CDH4: variants seen among roughly 807,000 people sequenced by gnomAD.
CDH4 encodes cadherin-4.
In CDH4, 33 loss-of-function variants were observed where a neutral mutation model predicts 86.0. The ratio of observed to expected loss-of-function variants is 0.38; its 90% CI spans 0.29 to 0.51. CDH4 has a LOEUF of 0.51. CDH4 is among the 20% of genes least tolerant of loss of function. The pLI, the probability that CDH4 is intolerant of heterozygous loss-of-function variation, is 0.86. For synonymous variants in CDH4, 555 were observed against 549.4 expected (o/e 1.01, Z -0.14); for missense variants, 1,114 against 1,307.4 (o/e 0.85, Z 2.28).
intron 2 of CDH4, among the ~76,000 whole-genome samples, chr20:61,355,174 G>T (rs1000880608): frequency 1.6e-4 from 24 of 152,110 alleles, no homozygotes; most frequent in Non-Finnish European, 3.4e-4. Context: ...TCATTTCCAG[G>T]CAATAAACAC....
At position 61,923,685 on chromosome 20, in the gene CDH4, T is replaced by C. The variant is rs767012233; in HGVS notation, c.1609T>C (p.Phe537Leu). 6.2e-7 allele frequency: 1 copy of C among 1,613,728 alleles called. No individual in the cohort carries two copies. Among genetic ancestry groups the C allele is most frequent in the Non-Finnish European group, 8.5e-7 (1 of 1,180,024 alleles). Reference protein sequence around the residue: ...TTFSAVDPDRFMQQAVRYSKL... With the variant: ...TTFSAVDPDRLMQQAVRYSKL... The stretch of plus-strand genomic sequence containing the variant: ...GTTTTCAGCTGTGGACCCTGACCGG[T>C]TCATGCAGCAGGCTGTGAGGTGGGT... The change falls in exon 10 of 16, where the codon TTC becomes CTC. Residue 537 changes from phenylalanine to leucine, a missense_variant. Phe to Leu is a conservative substitution (Grantham distance 22). This residue lies in a region of CDH4 where 705 missense variants were observed against 914.1 expected (regional missense o/e 0.77). Coordinates refer to ENST00000614565, the MANE Select transcript of CDH4 (RefSeq NM_001794.5).
chr20:61,527,195 G>T (rs767419804), intron 2 of CDH4, among the ~76,000 whole-genome samples: 1 of 151,998 alleles, frequency 6.6e-6, no homozygotes, highest in Non-Finnish European at 1.5e-5. Context: ...GGCGCCCCTG[G>T]CACCCTCCCT....
intron 4 of CDH4, among the ~76,000 whole-genome samples, chr20:61,776,682 A>G (rs768079633): frequency 5.3e-5 from 8 of 152,200 alleles, no homozygotes; most frequent in Non-Finnish European, 4.4e-5. Context: ...AACTGAACCC[A>G]ACCTAAGTCG....
intron 4 of CDH4, among the ~76,000 whole-genome samples, chr20:61,828,696 T>C (rs1268687007): frequency 1.3e-5 from 2 of 152,260 alleles, no homozygotes; most frequent in Non-Finnish European, 2.9e-5. Context: ...TCCCAGTCTC[T>C]GCACTTCACT....
At chr20:61,738,807 C>T (rs1282168148) in intron 2 of CDH4, 1 of 152,318 alleles carries the variant, frequency 6.6e-6, no homozygotes, top group Non-Finnish European at 1.5e-5. Context: ...CTCCTCTCAC[C>T]ACCTTCACGG....
At chr20:61,259,179 T>C (rs1244936997) in intron 2 of CDH4, among the ~76,000 whole-genome samples, 3 of 152,194 alleles carry the variant, frequency 2.0e-5, no homozygotes, top group Admixed American at 6.5e-5. Flanking sequence ...AATGACTCAT[T>C]TGCATACAAA....
intron 2 of CDH4, among the ~76,000 whole-genome samples, chr20:61,465,060 T>G (rs2085465065): frequency 6.6e-6 from 1 of 152,170 alleles, no homozygotes; most frequent in South Asian, 2.1e-4. Flanking sequence ...GCCTTCACAT[T>G]TAAAAGATGT....
At chr20:61,753,766 G>A (rs935640179) in intron 3 of CDH4, among the ~76,000 whole-genome samples, 4 of 152,170 alleles carry the variant, frequency 2.6e-5, no homozygotes, top group Non-Finnish European at 4.4e-5. Context: ...GGATGAACTC[G>A]GCCGAGCAAT....
intron 2 of CDH4, among the ~76,000 whole-genome samples, chr20:61,326,261 G>C (rs1327284988): frequency 2.0e-5 from 3 of 152,144 alleles, no homozygotes. Context: ...ACTAGGTTTT[G>C]TGAACATATT....
chr20:61,666,810 A>G (rs2087330330), intron 2 of CDH4, among the ~76,000 whole-genome samples: 1 of 152,328 alleles, frequency 6.6e-6, no homozygotes, highest in Middle Eastern at 3.4e-3. Context: ...CTCACAGCTC[A>G]CTGTCAGGAA....
chr20:61,730,954 G>C (rs1040016638), intron 2 of CDH4, among the ~76,000 whole-genome samples: 3 of 147,530 alleles, frequency 2.0e-5, no homozygotes, highest in Non-Finnish European at 3.0e-5. Context: ...CGGCTCCCAC[G>C]TGGAAGGTAG....
intron 2 of CDH4, among the ~76,000 whole-genome samples, chr20:61,293,717 A>G (rs2084336054): frequency 6.6e-6 from 1 of 152,024 alleles, no homozygotes; most frequent in South Asian, 2.1e-4. Flanking sequence ...GGAGGTGAGG[A>G]CCTCCTAAAT....
rs143255795 is a variant in CDH4 at position 61,853,115 on chromosome 20, C to T, written c.877+217C>T. Among the ~76,000 whole-genome samples, 328 of 152,336 alleles carry T rather than the reference C, an allele frequency of 2.2e-3. 4 individuals carry two copies. Among genetic ancestry groups the T allele is most frequent in the South Asian group, 7.0e-3 (34 of 4,826 alleles). On this transcript the variant is annotated intron_variant, in intron 6 of 15. Coordinates refer to ENST00000614565, the MANE Select transcript of CDH4 (RefSeq NM_001794.5). The stretch of plus-strand genomic sequence containing the variant: ...GCAGACCACAGGTGAGAAGCGATTG[C>T]AGCCACAGCAGGGCCAACGGGCTGG...
chr20:61,938,685 A>C lies in CDH4; in HGVS notation c.*1742A>C, dbSNP rs1314931232. On this transcript the variant is annotated 3_prime_UTR_variant, in exon 16 of 16. Coordinates refer to ENST00000614565, the MANE Select transcript of CDH4 (RefSeq NM_001794.5). ...AGCTCCACCAGGGGCCCCGGCCCCC[A>C]CCTCAGCCTATGGCCCTTCCCCATG... The C allele has an allele frequency of 6.6e-6, 1 of 152,488 alleles. No individual in the cohort carries two copies. Among genetic ancestry groups the C allele is most frequent in the African/African-American group, 2.4e-5 (1 of 41,434 alleles). The allele number at this position is 152,488 out of a possible 1,614,324, so 9.4% of individuals were successfully genotyped here. A position where few individuals can be genotyped will look rare whatever the true frequency, so the allele number is the denominator to read the frequency against.
Position 61,377,366 on chromosome 20 carries a change from C to T in CDH4, c.169+122429C>T, listed in dbSNP as rs1019714766. Reference sequence around the variant, plus strand: ...ATTCCATGTCTAAGTGCCCATCGGACGGTTGAGTTGTGTGGTCCAGGGCTC... The same window carrying T: ...ATTCCATGTCTAAGTGCCCATCGGATGGTTGAGTTGTGTGGTCCAGGGCTC... On this transcript the variant is annotated intron_variant, in intron 2 of 15. Coordinates refer to ENST00000614565, the MANE Select transcript of CDH4 (RefSeq NM_001794.5). The surrounding 1 kb of genome is among the most constrained non-coding windows in gnomAD (Gnocchi z 4.0). Among the ~76,000 whole-genome samples the T allele has an allele frequency of 3.3e-5, 5 of 152,042 alleles. No individual in the cohort carries two copies. The highest frequency in any genetic ancestry group is 2.1e-4 in the South Asian group (1 of 4,820).
At chr20:61,565,215 C>CCTCTTGGTGATGGGGTGAT (rs2086267597) in intron 2 of CDH4, among the ~76,000 whole-genome samples, 1 of 41,168 alleles carries the variant, frequency 2.4e-5, no homozygotes, top group Non-Finnish European at 4.5e-5. Flanking sequence ...GCGGTGCTCT[C>CCTCTTGGTGATGGGGTGAT]GGTGGTAGGT....
chr20:61,382,255 C>A (rs1216461344), intron 2 of CDH4, among the ~76,000 whole-genome samples: 1 of 152,132 alleles, frequency 6.6e-6, no homozygotes, highest in Non-Finnish European at 1.5e-5. Context: ...TGCCTGGCCG[C>A]CTAATGGAAT....
chr20:61,887,523 GCA>G (rs945206873), intron 7 of CDH4, among the ~76,000 whole-genome samples: 19 of 147,352 alleles, frequency 1.3e-4, no homozygotes, highest in African/African-American at 4.9e-4. Context: ...ATACACACAT[GCA>G]CACACACAAT....
At chr20:61,574,497 C>G (rs1355281573) in intron 2 of CDH4, among the ~76,000 whole-genome samples, 1 of 152,218 alleles carries the variant, frequency 6.6e-6, no homozygotes, top group Non-Finnish European at 1.5e-5. Context: ...CCCCACCCCC[C>G]TTTCTCCTTC....
Sources: gnomAD v4.1 joint callset for allele counts (sites outside exome capture counted in the v4.1 genomes callset) on GRCh38, gnomAD v4.1.1 for gene constraint, gnomAD v4.1.1 regional missense constraint, Gnocchi (gnomAD v3.1) non-coding constraint, MANE v1.5 for transcripts, NCBI Gene and HGNC (gene_info 2026-07-23, HGNC 2026-07-21) for gene names.